Variants in LRRC56 observed in about 807,000 individuals in gnomAD.
The protein encoded by LRRC56 is leucine-rich repeat-containing protein 56.
Under a neutral mutation model 47.8 loss-of-function variants are expected in LRRC56, and 41 were observed. The observed-to-expected ratio is 0.86, with a 90% CI of 0.67 to 1.11. LRRC56 has a LOEUF of 1.11. Ranked by LOEUF, LRRC56 falls within the 50% of genes most tolerant of loss-of-function variation. LRRC56 has a pLI of 0.00. For synonymous variants in LRRC56, 387 were observed against 311.2 expected, an observed-to-expected ratio of 1.24 and a Z score of -2.56; for missense variants, 759 against 704.2, an observed-to-expected ratio of 1.08 and a Z score of -0.88.
chr11:514,599 T>C, the LRRC56 span, among the ~76,000 whole-genome samples: 1 of 152,084 alleles, frequency 6.6e-6, no homozygotes, highest in Admixed American at 6.6e-5. Context: ...TTATTATTTA[T>C]TGTTTTTTTG....
At chr11:546,565 C>T (rs1047318680) in intron 6 of LRRC56, among the ~76,000 whole-genome samples, 1 of 125,654 alleles carries the variant, frequency 8.0e-6, no homozygotes, top group African/African-American at 3.3e-5. Context: ...GAGACTTCGT[C>T]TCAAAAAAAA....
the LRRC56 span, among the ~76,000 whole-genome samples, chr11:525,381 C>T: frequency 2.1e-4 from 32 of 151,702 alleles, no homozygotes; most frequent in East Asian, 2.3e-3. Flanking sequence ...CTACTAAAAA[C>T]ACAAAAAATT....
At chr11:539,327 T>C (rs1021008528) in intron 2 of LRRC56, among the ~76,000 whole-genome samples, 1 of 150,158 alleles carries the variant, frequency 6.7e-6, no homozygotes, top group South Asian at 2.1e-4. Context: ...TCTTGTGATC[T>C]GCCCGCCTCA....
chr11:542,387 G>A (rs549439670), intron 5 of LRRC56, among the ~76,000 whole-genome samples: 5 of 152,164 alleles, frequency 3.3e-5, no homozygotes, highest in African/African-American at 1.2e-4. Context: ...AAGGTGGATG[G>A]ATCACTTGAG....
intron 9 of LRRC56, 50 bp from the exon 10 acceptor site, chr11:551,601 G>A: frequency 2.0e-6 from 3 of 1,514,916 alleles, no homozygotes; most frequent in Non-Finnish European, 2.7e-6. Context: ...GAGTCTGGGG[G>A]GCGCTCTCAG....
upstream of LRRC56, among the ~76,000 whole-genome samples, chr11:535,779 C>G (rs572107308): frequency 3.4e-3 from 515 of 152,158 alleles, 4 homozygotes; most frequent in African/African-American, 0.012. Context: ...AGACCGGAGC[C>G]GAGCTCGGGG....
intron 1 of LRRC56, 57 bp downstream of exon 1, chr11:537,662 G>C (rs1851583212): frequency 6.6e-6 from 1 of 152,300 alleles, no homozygotes; most frequent in African/African-American, 2.4e-5. Flanking sequence ...TATGACCGGT[G>C]CCAGGAGGGA....
upstream of LRRC56, among the ~76,000 whole-genome samples, chr11:535,046 C>T (rs1439994400): frequency 2.6e-5 from 4 of 152,194 alleles, no homozygotes; most frequent in African/African-American, 9.6e-5. Context: ...GGTCCGCGAC[C>T]TGTGATGCTG....
chr11:553,946 C>A lies in LRRC56; in HGVS notation c.1316-17C>A. 6.2e-7 allele frequency: 1 copy of A among 1,606,350 alleles called. No homozygotes were observed. Among genetic ancestry groups the A allele is most frequent in the Non-Finnish European group, 8.5e-7 (1 of 1,176,758 alleles). On this transcript the variant is annotated splice_polypyrimidine_tract_variant and intron_variant, in intron 13 of 13. Coordinates refer to ENST00000270115, the MANE Select transcript of LRRC56 (RefSeq NM_198075.4). The stretch of plus-strand genomic sequence containing the variant: ...TGACAGCCTTTCTGACGTCCCATCA[C>A]TCTGCTTGCTTTCTAGAGCCCTCCG...
chr11:544,852 G>A (rs367683521), intron 6 of LRRC56, 72 bp downstream of exon 6: 5 of 1,425,684 alleles, frequency 3.5e-6, no homozygotes, highest in Non-Finnish European at 4.9e-6. Flanking sequence ...TGCAGGGATG[G>A]GGGGAGAACT....
chr11:547,248 C>CA (rs1173103458), intron 6 of LRRC56, among the ~76,000 whole-genome samples: 1 of 151,482 alleles, frequency 6.6e-6, no homozygotes, highest in Non-Finnish European at 1.5e-5. Flanking sequence ...CCGTAAAAAA[C>CA]AAAAACAAAG....
the LRRC56 span, among the ~76,000 whole-genome samples, chr11:527,411 C>T: frequency 6.6e-6 from 1 of 152,220 alleles, no homozygotes; most frequent in Non-Finnish European, 1.5e-5. Context: ...ATCAGTTGAA[C>T]AGCAACTCCC....
At chr11:553,195 T>C (rs1852515261) in intron 13 of LRRC56, among the ~76,000 whole-genome samples, 2 of 152,206 alleles carry the variant, frequency 1.3e-5, no homozygotes, top group African/African-American at 4.8e-5. Context: ...AATTAAGCCA[T>C]GCAGTGCCCT....
upstream of LRRC56, chr11:534,390 C>A: frequency 7.5e-7 from 1 of 1,334,892 alleles, no homozygotes; most frequent in South Asian, 1.2e-5. Context: ...CAAGGAGGGC[C>A]CTGCTCAGCC....
Position 541,589 on chromosome 11 carries a change from G to C in LRRC56, c.230G>C (p.Cys77Ser). Residue 77 changes from cysteine (C) to serine (S), a missense_variant, in exon 5 of 14, where the codon TGT becomes TCT. Cys to Ser is a moderately radical substitution (Grantham distance 112). Transcript: ENST00000270115. The surrounding 1 kb of genome is among the most constrained non-coding windows in gnomAD (Gnocchi z 4.1). ...DLRLVRTLEM[C>S]VDTREGSLGN... ...CGGCTGGTGAGGACGCTGGAGATGT[G>C]TGTGGACACTCGTGAGGGCAGCCTG... 1 of 1,591,650 alleles carries C rather than the reference G, an allele frequency of 6.3e-7. No individual in the cohort carries two copies. The highest frequency in any genetic ancestry group is 8.6e-7 in the Non-Finnish European group (1 of 1,167,962).
chr11:533,833 C>T (rs756190012), upstream of LRRC56: 4 of 1,613,258 alleles, frequency 2.5e-6, no homozygotes, highest in African/African-American at 1.3e-5. Context: ...AAGCCCTCCC[C>T]GGTGCGCATG....
At chr11:532,774 G>T, upstream of LRRC56, 1 of 1,611,044 alleles carries the variant, frequency 6.2e-7, no homozygotes, top group Non-Finnish European at 8.5e-7. Flanking sequence ...GGAGGGATGG[G>T]ATCAGGAGGG....
At chr11:544,699 C>T (rs756829743) in intron 5 of LRRC56, 21 bp from the exon 6 acceptor site, 16 of 1,612,440 alleles carry the variant, frequency 9.9e-6, no homozygotes, top group East Asian at 2.2e-5. Flanking sequence ...GGGCCAACCT[C>T]CTCCTCCTGT....
the LRRC56 span, among the ~76,000 whole-genome samples, chr11:522,102 A>G: frequency 1.3e-5 from 2 of 152,110 alleles, no homozygotes; most frequent in Non-Finnish European, 2.9e-5. Context: ...TTTTTTTGAA[A>G]GAGTGTCTTG....
Sources: gnomAD v4.1 joint callset for allele counts (sites outside exome capture counted in the v4.1 genomes callset) on GRCh38, gnomAD v4.1.1 for gene constraint, Gnocchi (gnomAD v3.1) non-coding constraint, MANE v1.5 for transcripts, NCBI Gene and HGNC (gene_info 2026-07-23, HGNC 2026-07-21) for gene names.